The following ZSWIM2 variants were observed in gnomAD, a reference collection of about 807,000 sequenced individuals.
ZSWIM2 encodes the protein E3 ubiquitin-protein ligase ZSWIM2.
In ZSWIM2, 38 loss-of-function variants were observed where a neutral mutation model predicts 48.4. The observed-to-expected ratio is 0.79, with a 90% CI of 0.61 to 1.03. The LOEUF (loss-of-function observed/expected upper bound fraction) is 1.03. Ranked by LOEUF, ZSWIM2 falls within the 50% of genes least tolerant of loss-of-function variation. The pLI is 0.00. For synonymous variants in ZSWIM2, 240 were observed against 251.3 expected, an observed-to-expected ratio of 0.96 and a Z score of 0.42; for missense variants, 776 against 730.2, an observed-to-expected ratio of 1.06 and a Z score of -0.72.
intron 8 of ZSWIM2, 73 bp downstream of exon 8, chr2:186,829,654 G>C (rs1253001774): frequency 6.7e-7 from 1 of 1,498,830 alleles, no homozygotes; most frequent in African/African-American, 1.4e-5. Context: ...TAAAAGGACA[G>C]ACTTAAATTG....
At position 186,829,790 on chromosome 2, in the gene ZSWIM2, A is replaced by C. The variant is rs1156239957; in HGVS notation, c.1032T>G (p.Cys344Trp). The part of the protein sequence containing the change: ...NSKLLAPGYQ[C>W]LLCLKAFHLG... ...GATGAAATGCCTTCAAACAAAGTAG[A>C]CACTGGTAGCCTGGAGCAAGCAGCT... Residue 344 changes from cysteine to tryptophan, a missense_variant, in exon 8 of 9, where the codon TGT (cysteine) becomes TGG (tryptophan). Coordinates refer to ENST00000295131, the MANE Select transcript of ZSWIM2 (RefSeq NM_182521.3). The C allele has an allele frequency of 6.2e-7, 1 of 1,613,566 alleles. No individual in the cohort carries two copies. The highest frequency in any genetic ancestry group is 1.3e-5 in the African/African-American group (1 of 74,888).
intron 1 of ZSWIM2, among the ~76,000 whole-genome samples, chr2:186,848,336 C>T (rs1417637496): frequency 6.6e-6 from 1 of 152,132 alleles, no homozygotes; most frequent in Non-Finnish European, 1.5e-5. Flanking sequence ...TTAAACTTCA[C>T]GGCACTAACG....
chr2:186,831,249 G>A (rs1411495205), intron 7 of ZSWIM2, among the ~76,000 whole-genome samples: 6 of 151,996 alleles, frequency 3.9e-5, no homozygotes, highest in African/African-American at 1.2e-4. Flanking sequence ...CTCATTTTAC[G>A]CCCCACAAGA....
chr2:186,838,827 G>T, intron 4 of ZSWIM2, 132 bp downstream of exon 4: 2 of 421,426 alleles, frequency 4.7e-6, no homozygotes, highest in Non-Finnish European at 4.1e-6. Context: ...ATAAAAGAAT[G>T]TTAATTAAGT....
Position 186,829,853 on chromosome 2 carries a change from T to C in ZSWIM2, c.969A>G (p.Val323=). The C allele has an allele frequency of 6.2e-7, 1 of 1,613,630 alleles. No homozygotes were observed. Among genetic ancestry groups the C allele is most frequent in the African/African-American group, 1.3e-5 (1 of 75,006 alleles). The part of the protein sequence containing the change: ...QGQVYTPKHI[V]RSLPLQLITK... ...TAATCAGTTGGAGAGGCAGTGATCT[T>C]ACAATGTGTTTTGGTGTGTAAACTT... The change falls in exon 8 of 9, where the codon GTA becomes GTG. Residue 323 remains valine (V), a synonymous_variant. Transcript: ENST00000295131.
At position 186,828,415 on chromosome 2, in the gene ZSWIM2, G is replaced by T; in HGVS notation, c.1471C>A (p.Gln491Lys). The T allele has an allele frequency of 6.2e-7, 1 of 1,613,398 alleles. No individual in the cohort carries two copies. Among genetic ancestry groups the T allele is most frequent in the Non-Finnish European group, 8.5e-7 (1 of 1,179,708 alleles). Reference sequence around the variant, plus strand: ...TCTTGAAGATACCTGGGAAAATGTTGGCTAATTTTATAATCATAGGTTAAT... The same window carrying T: ...TCTTGAAGATACCTGGGAAAATGTTTGCTAATTTTATAATCATAGGTTAAT... The part of the protein sequence containing the change: ...KKLTYDYKIS[Q>K]HFPRYLQDLP... The change falls in exon 9 of 9, where the codon CAA (glutamine) becomes AAA (lysine). Residue 491 changes from glutamine (Q) to lysine (K), a missense_variant. Transcript: ENST00000295131.
Position 186,838,998 on chromosome 2 carries a change from T to A in ZSWIM2, c.455A>T (p.Glu152Val). Residue 152 changes from glutamate (E) to valine (V), a missense_variant, in exon 4 of 9, where the codon GAG (glutamate) becomes GTG (valine). Physicochemically the swap from Glu to Val is moderately radical, Grantham distance 121. Coordinates refer to ENST00000295131, the MANE Select transcript of ZSWIM2 (RefSeq NM_182521.3). ...AGGAAGCTTTTTCTCTAAAAGTAGC[T>A]CTTGACAAATAGAGCAGATATCCTC... is the stretch of plus-strand genomic sequence containing the variant. ...DSEDICSICQELLLEKKLPVT... is the reference protein window; with the variant it reads ...DSEDICSICQVLLLEKKLPVT... 4.3e-6 allele frequency: 7 copies of A among 1,610,392 alleles called. No homozygotes were observed. The highest frequency in any genetic ancestry group is 5.9e-6 in the Non-Finnish European group (7 of 1,177,612).
chr2:186,831,977 A>T (rs1036228423), intron 7 of ZSWIM2, among the ~76,000 whole-genome samples: 1 of 152,168 alleles, frequency 6.6e-6, no homozygotes, highest in African/African-American at 2.4e-5. Flanking sequence ...ATACATATGT[A>T]ACAAACCTGC....
At chr2:186,845,650 ATAAAT>A (rs1023025535) in intron 2 of ZSWIM2, among the ~76,000 whole-genome samples, 2 of 151,624 alleles carry the variant, frequency 1.3e-5, no homozygotes, top group Middle Eastern at 3.5e-3. Context: ...TAACTATCAA[ATAAAT>A]TAAAATAATA....
chr2:186,834,086 GT>G, intron 5 of ZSWIM2, 56 bp from the exon 6 acceptor site: 1 of 1,403,350 alleles, frequency 7.1e-7, no homozygotes, highest in Non-Finnish European at 9.9e-7. Flanking sequence ...TATTGTGATG[GT>G]TTTGGGTGAA....
chr2:186,842,068 A>G (rs1477915746), intron 3 of ZSWIM2, among the ~76,000 whole-genome samples: 1 of 151,148 alleles, frequency 6.6e-6, no homozygotes, highest in Non-Finnish European at 1.5e-5. Context: ...CGGTCTTTGA[A>G]AAGAGAGTCT....
intron 2 of ZSWIM2, among the ~76,000 whole-genome samples, chr2:186,845,892 C>T (rs1244490804): frequency 6.6e-6 from 1 of 151,576 alleles, no homozygotes; most frequent in Non-Finnish European, 1.5e-5. Flanking sequence ...GGGGAAATAA[C>T]ATCCTATTCA....
rs1201499575 is a variant in ZSWIM2 at position 186,829,696 on chromosome 2, GAAAGTAAAACTAA to G, written c.1095+18_1095+30del. 1.5e-5 allele frequency: 24 copies of G among 1,596,566 alleles called. No homozygotes were observed. The Admixed American group carries it at 3.1e-4, about 21-fold the overall frequency. On this transcript the variant is annotated intron_variant, in intron 8 of 8. Coordinates refer to ENST00000295131, the MANE Select transcript of ZSWIM2 (RefSeq NM_182521.3). ...CATTTGTGAAAACTGACCCTACAGG[GAAAGTAAAACTAA>G]AATGATGTGACTTTTACCTTGTGAG...
At chr2:186,831,656 A>C (rs1262796133) in intron 7 of ZSWIM2, among the ~76,000 whole-genome samples, 1 of 151,994 alleles carries the variant, frequency 6.6e-6, no homozygotes, top group African/African-American at 2.4e-5. Context: ...CTGGATTAAG[A>C]AAATGTAGCA....
chr2:186,829,748 T>C lies in ZSWIM2; in HGVS notation c.1074A>G (p.Arg358=), dbSNP rs2105815382. ...TTACCTTGTGAGTACATGGTAGCAA[T>C]CTTGTATGTTGACCAAGATGAAATG... ...LKAFHLGQHT[R]LLPCTHKFHR... The change falls in exon 8 of 9, where the codon AGA becomes AGG. Residue 358 remains arginine (R), a synonymous_variant. Transcript: ENST00000295131. 6.2e-7 allele frequency: 1 copy of C among 1,613,032 alleles called. No individual in the cohort carries two copies. The highest frequency in any genetic ancestry group is 1.1e-5 in the South Asian group (1 of 90,972).
At chr2:186,848,891 A>G (rs759018127) in intron 1 of ZSWIM2, 75 bp downstream of exon 1, 2 of 1,576,146 alleles carry the variant, frequency 1.3e-6, no homozygotes, top group African/African-American at 2.7e-5. Flanking sequence ...GTGGCTACGC[A>G]CATTGGGTAT....
intron 7 of ZSWIM2, among the ~76,000 whole-genome samples, chr2:186,832,281 AT>A (rs1050339252): frequency 6.4e-5 from 9 of 140,238 alleles, no homozygotes; most frequent in East Asian, 2.0e-4. Flanking sequence ...CACCCCGCTA[AT>A]TTTTTTTTGT....
chr2:186,837,396 A>G lies in ZSWIM2; in HGVS notation c.653T>C (p.Val218Ala). 6.2e-7 allele frequency: 1 copy of G among 1,613,028 alleles called. No homozygotes were observed. Among genetic ancestry groups the G allele is most frequent in the Non-Finnish European group, 8.5e-7 (1 of 1,179,332 alleles). The change falls in exon 5 of 9, where the codon GTA (valine) becomes GCA (alanine). Residue 218 changes from valine (V) to alanine (A), a missense_variant. By Grantham distance (64) the Val-to-Ala change is moderately conservative. Transcript: ENST00000295131. ...CAGTCTCTCTTTTTCTGCTGCAGCT[A>G]CTAGTTTGCTAGAGTTTTTGAATTC... is the stretch of plus-strand genomic sequence containing the variant. ...LEEFKNSSKL[V>A]AAAEKERLDK...
chr2:186,849,022 T>C lies in ZSWIM2; in HGVS notation c.109A>G (p.Met37Val), dbSNP rs777944875. The C allele has an allele frequency of 8.1e-6, 13 of 1,614,138 alleles. No individual in the cohort carries two copies. In the South Asian group the frequency reaches 9.9e-5, roughly 12 times the overall value. The change falls in exon 1 of 9, where the codon ATG (methionine) becomes GTG (valine). Residue 37 changes from methionine (M) to valine (V), a missense_variant. Met to Val is a conservative substitution (Grantham distance 21). Transcript: ENST00000295131. Reference protein sequence around the residue: ...LSSSIYLLREMGPTGFLLREE... With the variant: ...LSSSIYLLREVGPTGFLLREE... ...CTCAGCAGGAAGCCAGTGGGGCCCATCTCTCGTAGGAGGTAGATGCTGCTA... is the reference window on the plus strand; with the variant it reads ...CTCAGCAGGAAGCCAGTGGGGCCCACCTCTCGTAGGAGGTAGATGCTGCTA...
Sources: allele counts gnomAD v4.1 joint callset (sites outside exome capture counted in the v4.1 genomes callset), GRCh38; gene constraint gnomAD v4.1.1; transcripts MANE v1.5; gene names NCBI Gene and HGNC (gene_info 2026-07-23, HGNC 2026-07-21).